GCNT2: variants seen among roughly 807,000 people sequenced by gnomAD.
The protein encoded by GCNT2 is N-acetyllactosaminide beta-1,6-N-acetylglucosaminyl-transferase.
A neutral mutation model predicts 34.2 loss-of-function variants in GCNT2; 34 were observed. That is an observed-to-expected ratio of 1.00 (90% CI 0.76 to 1.32). GCNT2 has a LOEUF of 1.32. Among genes scored for constraint, GCNT2 ranks in the 40% most tolerant of loss-of-function variants. The probability of loss-of-function intolerance (pLI) is 0.00; values close to 1 mark genes in which losing one functional copy is unlikely to be tolerated. For missense variants in GCNT2, 584 were observed against 489.4 expected, an observed-to-expected ratio of 1.19 and a Z score of -1.82; for synonymous variants, 212 against 188.0, an observed-to-expected ratio of 1.13 and a Z score of -1.04.
intron 3 of GCNT2, among the ~76,000 whole-genome samples, chr6:10,605,208 A>ATTTTTTTTTT (rs869167781): frequency 2.1e-5 from 2 of 94,204 alleles, no homozygotes; most frequent in Non-Finnish European, 2.0e-5. Context: ...TCATGTAGGA[A>ATTTTTTTTTT]TTTTTTTTTT....
In GCNT2 at chr6:10,626,636, G is replaced by T. The variant is rs776957891; in HGVS notation, c.*29G>T. 1.1e-5 allele frequency: 17 copies of T among 1,545,946 alleles called. No homozygotes were observed. The South Asian group carries it at 1.7e-4, about 15-fold the overall frequency. On this transcript the variant is annotated 3_prime_UTR_variant, in exon 5 of 5. Transcript: ENST00000495262. ...ATTCATGAGCTACTCATGACTGAAG[G>T]GAAACTGCAGCTGGGAAGAGGAGCC...
At chr6:10,610,247 G>C (rs1765490644) in intron 3 of GCNT2, among the ~76,000 whole-genome samples, 1 of 152,218 alleles carries the variant, frequency 6.6e-6, no homozygotes, top group Admixed American at 6.5e-5. Context: ...GTCGTAGCTG[G>C]AAGGGAATAA....
intron 3 of GCNT2, among the ~76,000 whole-genome samples, chr6:10,605,673 G>C (rs906919089): frequency 1.3e-5 from 2 of 152,038 alleles, no homozygotes; most frequent in Non-Finnish European, 2.9e-5. Flanking sequence ...ATGAAAGCTA[G>C]CGTCAGGGAT....
intron 3 of GCNT2, among the ~76,000 whole-genome samples, chr6:10,571,277 G>A (rs1323380185): frequency 6.6e-6 from 1 of 152,106 alleles, no homozygotes; most frequent in Non-Finnish European, 1.5e-5. Flanking sequence ...AGTTACACGT[G>A]GTATAGAGGG....
At chr6:10,595,823 C>G (rs964108895) in intron 3 of GCNT2, among the ~76,000 whole-genome samples, 18 of 152,124 alleles carry the variant, frequency 1.2e-4, no homozygotes, top group Admixed American at 3.3e-4. Flanking sequence ...TTTTTAAACT[C>G]TAATAGAAAA....
Position 10,528,945 on chromosome 6 carries a change from GC to G in GCNT2, c.35del (p.Ala12GlyfsTer7). 6.2e-7 allele frequency: 1 copy of G among 1,613,840 alleles called. No individual in the cohort carries two copies. Among genetic ancestry groups the G allele is most frequent in the South Asian group, 1.1e-5 (1 of 91,076 alleles). On this transcript the variant is annotated frameshift_variant, in exon 3 of 5. Coordinates refer to ENST00000495262, the MANE Select transcript of GCNT2 (RefSeq NM_145649.5). LOFTEE classifies it high-confidence loss of function. The part of the protein sequence containing the change: ...MGSWKHCLFS[A>X]SLISALIFVF... Reference sequence around the variant, plus strand: ...CTCTTGGAAGCACTGTCTTTTTAGCGCGTCTCTTATCTCTGCCCTGATTTTT... The same window carrying G: ...CTCTTGGAAGCACTGTCTTTTTAGCGGTCTCTTATCTCTGCCCTGATTTTT...
intron 3 of GCNT2, among the ~76,000 whole-genome samples, chr6:10,605,140 A>G (rs1765252629): frequency 6.6e-6 from 1 of 151,274 alleles, no homozygotes; most frequent in Admixed American, 6.6e-5. Flanking sequence ...GTGAGATCCT[A>G]TCTCTTTAAA....
chr6:10,549,632 C>T (rs1762407523), intron 3 of GCNT2, among the ~76,000 whole-genome samples: 1 of 137,290 alleles, frequency 7.3e-6, no homozygotes, highest in Admixed American at 8.1e-5. Flanking sequence ...AGTGTAGTGG[C>T]ACAGTCTGGG....
At chr6:10,553,674 G>A (rs780289611) in intron 3 of GCNT2, among the ~76,000 whole-genome samples, 4 of 152,200 alleles carry the variant, frequency 2.6e-5, no homozygotes, top group Non-Finnish European at 5.9e-5. Flanking sequence ...TGGGCGGATC[G>A]CTTGAGCCCA....
At chr6:10,548,514 T>C (rs1388190909) in intron 3 of GCNT2, among the ~76,000 whole-genome samples, 1 of 152,252 alleles carries the variant, frequency 6.6e-6, no homozygotes, top group African/African-American at 2.4e-5. Flanking sequence ...TCACTCATAC[T>C]TTCCTGGTAC....
intron 3 of GCNT2, among the ~76,000 whole-genome samples, chr6:10,559,623 G>A (rs1181426581): frequency 6.6e-6 from 1 of 152,260 alleles, no homozygotes; most frequent in Non-Finnish European, 1.5e-5. Context: ...GGGCTGGTGA[G>A]CCTGGATCAT....
intron 3 of GCNT2, among the ~76,000 whole-genome samples, chr6:10,577,872 A>G (rs1030285649): frequency 6.6e-6 from 1 of 151,840 alleles, no homozygotes; most frequent in Non-Finnish European, 1.5e-5. Flanking sequence ...ACGCCAGGTC[A>G]TTGTTTTTGA....
At chr6:10,556,501 T>G in intron 3 of GCNT2, 1 of 1,614,148 alleles carries the variant, frequency 6.2e-7, no homozygotes, top group Non-Finnish European at 8.5e-7. Flanking sequence ...CTGTGTTCAA[T>G]TTTGGGGGAG....
Position 10,617,588 on chromosome 6 carries a change from G to C in GCNT2, c.926-3763G>C, listed in dbSNP as rs547615406. Among the ~76,000 whole-genome samples the C allele has an allele frequency of 1.1e-4, 16 of 152,260 alleles. 1 individual carries two copies. Among genetic ancestry groups the C allele is most frequent in the Middle Eastern group, 3.4e-3 (1 of 294 alleles). The stretch of plus-strand genomic sequence containing the variant: ...CATCGCTCACCGTGACTTAGAATGC[G>C]TAACCATCTGGGAATGCGGTCCAGT... On this transcript the variant is annotated intron_variant, in intron 3 of 4. Transcript: ENST00000495262.
Position 10,529,511 on chromosome 6 carries a change from C to G in GCNT2, c.600C>G (p.Asn200Lys). 1 of 1,614,068 alleles carries G rather than the reference C, an allele frequency of 6.2e-7. No individual in the cohort carries two copies. Among genetic ancestry groups the G allele is most frequent in the Non-Finnish European group, 8.5e-7 (1 of 1,179,994 alleles). Residue 200 changes from asparagine (N) to lysine (K), a missense_variant, in exon 3 of 5, where the codon AAC becomes AAG. Transcript: ENST00000495262. ...GGCAAGACTTTCCCCTGAAAACCAA[C>G]AGGGAAATAGTTCAGTATCTGAAGG... ...TCGQDFPLKT[N>K]REIVQYLKGF...
At chr6:10,589,482 A>T (rs1764543424) in intron 3 of GCNT2, among the ~76,000 whole-genome samples, 1 of 151,886 alleles carries the variant, frequency 6.6e-6, no homozygotes, top group South Asian at 2.1e-4. Context: ...CACTGTGCTC[A>T]TGAGAGTCAC....
At chr6:10,555,701 A>G (rs1421543671) in intron 3 of GCNT2, 1 of 984,638 alleles carries the variant, frequency 1.0e-6, no homozygotes, top group Non-Finnish European at 1.2e-6. Flanking sequence ...CCCCTGGGAC[A>G]GGAACTCCTC....
At position 10,577,038 on chromosome 6, in the gene GCNT2, G is replaced by A. The variant is rs373533443; in HGVS notation, c.926-44313G>A. 1.1e-4 allele frequency among the ~76,000 whole-genome samples: 16 copies of A among 152,288 alleles called. No individual in the cohort carries two copies. In the South Asian group the frequency reaches 3.1e-3, roughly 30 times the overall value. ...GGCTGCAGTGAGCTATGCTCTCACC[G>A]TTGCACTCCAGCCTGGGTGATAGAG... On this transcript the variant is annotated intron_variant, in intron 3 of 4. Coordinates refer to ENST00000495262, the MANE Select transcript of GCNT2 (RefSeq NM_145649.5).
In GCNT2 at chr6:10,549,510, C is replaced by CGAATT. The variant is rs1247602989; in HGVS notation, c.925+19681_925+19685dup. ...GGGTTGCTGTTGCTCCATATCTTCA[C>CGAATT]GAATTGAATTGGTATTTTCTGCCTT... On this transcript the variant is annotated intron_variant, in intron 3 of 4. Coordinates refer to ENST00000495262, the MANE Select transcript of GCNT2 (RefSeq NM_145649.5). 3.3e-5 allele frequency among the ~76,000 whole-genome samples: 5 copies of CGAATT among 150,790 alleles called. No individual in the cohort carries two copies. In the East Asian group the frequency reaches 9.8e-4, roughly 29 times the overall value.
Sources: allele counts gnomAD v4.1 joint callset (sites outside exome capture counted in the v4.1 genomes callset), GRCh38; gene constraint gnomAD v4.1.1; transcripts MANE v1.5; gene names NCBI Gene and HGNC (gene_info 2026-07-23, HGNC 2026-07-21).